Variants in DPYSL2 observed in about 807,000 individuals in gnomAD.
DPYSL2 encodes dihydropyrimidinase-related protein 2.
In DPYSL2, 13 loss-of-function variants were observed where a neutral mutation model predicts 69.9. That is an observed-to-expected ratio of 0.19 (90% CI 0.12 to 0.30). The LOEUF is 0.30. Among genes scored for constraint, DPYSL2 ranks in the 10% least tolerant of loss-of-function variants. DPYSL2 has a pLI of 1.00. For missense variants in DPYSL2, 587 were observed against 918.9 expected (o/e 0.64, Z 4.67); for synonymous variants, 326 against 359.1 (o/e 0.91, Z 1.04).
Position 26,644,075 on chromosome 8 carries a change from T to C in DPYSL2, c.1409T>C (p.Ile470Thr), listed in dbSNP as rs777627888. 5 of 1,614,188 alleles carry C rather than the reference T, an allele frequency of 3.1e-6. No homozygotes were observed. In the Admixed American group the frequency reaches 8.3e-5, roughly 27 times the overall value. The change falls in exon 10 of 14, where the codon ATC (isoleucine) becomes ACC (threonine). Residue 470 changes from isoleucine to threonine, a missense_variant. This residue lies in a region of DPYSL2 where 452 missense variants were observed against 754.3 expected (regional missense o/e 0.60). Transcript: ENST00000521913. The surrounding 1 kb of genome is among the most constrained non-coding windows in gnomAD (Gnocchi z 4.5). ...GGCACTGAGGAGCGGATGTCCGTCA[T>C]CTGGGACAAGGCTGTGGTAAGGAGC... is the stretch of plus-strand genomic sequence containing the variant. ...TNGTEERMSV[I>T]WDKAVVTGKM...
At chr8:26,577,264 C>T (rs773208070) in intron 1 of DPYSL2, 5 of 375,268 alleles carry the variant, frequency 1.3e-5, no homozygotes, top group South Asian at 5.5e-5. Context: ...CGGACGCTCC[C>T]GGGAAGCAGC....
intron 1 of DPYSL2, among the ~76,000 whole-genome samples, chr8:26,544,185 A>T (rs1800728373): frequency 6.6e-6 from 1 of 152,218 alleles, no homozygotes; most frequent in African/African-American, 2.4e-5. Context: ...TTAAATCAGG[A>T]CTTGCTTGTC....
At chr8:26,577,917 A>G in intron 1 of DPYSL2, 1 of 1,157,980 alleles carries the variant, frequency 8.6e-7, no homozygotes, top group Non-Finnish European at 1.1e-6. Flanking sequence ...CGCATGCGCC[A>G]CGGTGGCCGA....
rs385351 is a variant in DPYSL2, at chr8:26,585,567, A to T, written c.628+1584A>T. ...CATTTTCCAGGGATGTCGGGGGGAG[A>T]TTTCATGCACACCTAGGGAGAGCAG... On this transcript the variant is annotated intron_variant, in intron 3 of 13. Transcript: ENST00000521913. The surrounding 1 kb of genome is among the most constrained non-coding windows in gnomAD (Gnocchi z 4.0). 0.51 allele frequency among the ~76,000 whole-genome samples: 77,504 copies of T among 151,492 alleles called. 20,878 individuals are homozygous for T. The highest frequency in any genetic ancestry group is 0.68 in the African/African-American group (28,089 of 41,298).
intron 1 of DPYSL2, among the ~76,000 whole-genome samples, chr8:26,570,999 T>G (rs1801227319): frequency 6.6e-6 from 1 of 152,124 alleles, no homozygotes; most frequent in Non-Finnish European, 1.5e-5. Context: ...CATAACAGTA[T>G]TTTAGAAGAT....
intron 1 of DPYSL2, among the ~76,000 whole-genome samples, chr8:26,537,206 T>G (rs867410916): frequency 9.2e-5 from 14 of 152,278 alleles, no homozygotes; most frequent in Admixed American, 2.0e-4. Flanking sequence ...TATTACTGCC[T>G]AAATATTTGG....
In DPYSL2 at chr8:26,581,975, C is replaced by A. The variant is rs1295902606; in HGVS notation, c.361C>A (p.Arg121Ser). 1 of 1,613,644 alleles carries A rather than the reference C, an allele frequency of 6.2e-7. No individual in the cohort carries two copies. Among genetic ancestry groups the A allele is most frequent in the South Asian group, 1.1e-5 (1 of 91,058 alleles). Residue 121 changes from arginine to serine, a missense_variant, in exon 2 of 14, where the codon CGT (arginine) becomes AGT (serine). Arg to Ser is a moderately radical substitution (Grantham distance 110, BLOSUM62 -1). Around this residue, in one of 3 missense-constraint regions of DPYSL2, gnomAD observed 452 missense variants for 754.3 expected, o/e 0.60. Transcript: ENST00000521913. The stretch of plus-strand genomic sequence containing the variant: ...TACTGCCTCTTTGTTTCAGAGCGAT[C>A]GTCTTCTGATCAAAGGAGGTAAAAT... ...ALQNINDQSD[R>S]LLIKGGKIVN...
intron 1 of DPYSL2, among the ~76,000 whole-genome samples, chr8:26,567,355 C>T (rs1801169125): frequency 1.3e-5 from 2 of 149,844 alleles, no homozygotes; most frequent in African/African-American, 4.9e-5. Flanking sequence ...CATACATCTG[C>T]CCATCCATCC....
chr8:26,529,794 C>G (rs540067464), intron 1 of DPYSL2, among the ~76,000 whole-genome samples: 5 of 143,300 alleles, frequency 3.5e-5, no homozygotes, highest in Middle Eastern at 3.9e-3. Context: ...TGTGCCAAAG[C>G]TGGTGGTGAA....
Position 26,605,746 on chromosome 8 carries a change from A to G in DPYSL2, c.629-18397A>G, listed in dbSNP as rs1802094474. Among the ~76,000 whole-genome samples the G allele has an allele frequency of 6.6e-6, 1 of 152,218 alleles. No individual in the cohort carries two copies. The highest frequency in any genetic ancestry group is 1.5e-5 in the Non-Finnish European group (1 of 68,038). On this transcript the variant is annotated intron_variant, in intron 3 of 13. Coordinates refer to ENST00000521913, the MANE Select transcript of DPYSL2 (RefSeq NM_001197293.3). This position sits in a 1 kb window ranked among gnomAD's most constrained non-coding sequence, Gnocchi z 4.1. Reference sequence around the variant, plus strand: ...AATCCATACACAATAGCAACATAAAATATAAAATTACTAGGAATTATAAGA... The same window carrying G: ...AATCCATACACAATAGCAACATAAAGTATAAAATTACTAGGAATTATAAGA...
intron 3 of DPYSL2, among the ~76,000 whole-genome samples, chr8:26,611,653 C>A (rs1048952746): frequency 2.6e-5 from 4 of 152,208 alleles, no homozygotes; most frequent in Non-Finnish European, 4.4e-5. Flanking sequence ...ATTTCAACAT[C>A]TCTTGGAGAA....
intron 7 of DPYSL2, among the ~76,000 whole-genome samples, chr8:26,634,449 T>TTA (rs1554545916): frequency 6.8e-6 from 1 of 146,096 alleles, no homozygotes. Flanking sequence ...TTTTTTTTTT[T>TTA]AATTGTATTT....
At chr8:26,572,380 T>C (rs1303798932) in intron 1 of DPYSL2, among the ~76,000 whole-genome samples, 2 of 152,318 alleles carry the variant, frequency 1.3e-5, no homozygotes, top group East Asian at 3.9e-4. Context: ...GCAGTTTGGA[T>C]GATGCAAACA....
At chr8:26,631,655 C>G (rs571735809) in intron 7 of DPYSL2, among the ~76,000 whole-genome samples, 24 of 152,160 alleles carry the variant, frequency 1.6e-4, no homozygotes, top group Non-Finnish European at 2.8e-4. Context: ...TGAGGGCTGG[C>G]AGATCCAGGG....
chr8:26,652,982 A>G lies in DPYSL2; in HGVS notation c.1777-250A>G, dbSNP rs1396220130. Reference sequence around the variant, plus strand: ...TGCTTAGGGGATTCTTACAGGGTTTAAAGTTGAAGTGTCTTGGGGGAAAAA... The same window carrying G: ...TGCTTAGGGGATTCTTACAGGGTTTGAAGTTGAAGTGTCTTGGGGGAAAAA... On this transcript the variant is annotated intron_variant, in intron 12 of 13. Transcript: ENST00000521913. The surrounding 1 kb of genome is among the most constrained non-coding windows in gnomAD (Gnocchi z 6.3). Among the ~76,000 whole-genome samples the G allele has an allele frequency of 6.6e-6, 1 of 152,188 alleles. No individual in the cohort carries two copies. Among genetic ancestry groups the G allele is most frequent in the Non-Finnish European group, 1.5e-5 (1 of 68,038 alleles).
intron 1 of DPYSL2, among the ~76,000 whole-genome samples, chr8:26,542,368 A>G (rs1194378841): frequency 1.3e-5 from 2 of 152,116 alleles, no homozygotes; most frequent in Non-Finnish European, 2.9e-5. Flanking sequence ...TATGCTGTCT[A>G]TAATAGATAC....
intron 3 of DPYSL2, among the ~76,000 whole-genome samples, chr8:26,601,430 T>A (rs1481832108): frequency 7.9e-5 from 12 of 150,966 alleles, no homozygotes; most frequent in Non-Finnish European, 1.5e-4. Flanking sequence ...CAGGCTGGAG[T>A]GCGGTGGCGC....
At chr8:26,541,283 C>G (rs181630587) in intron 1 of DPYSL2, among the ~76,000 whole-genome samples, 25 of 152,302 alleles carry the variant, frequency 1.6e-4, no homozygotes, top group African/African-American at 6.0e-4. Flanking sequence ...AACTTTTAAT[C>G]AGGAGTACTA....
intron 1 of DPYSL2, among the ~76,000 whole-genome samples, chr8:26,526,328 C>G (rs1249054667): frequency 6.6e-6 from 1 of 152,084 alleles, no homozygotes; most frequent in Non-Finnish European, 1.5e-5. Flanking sequence ...TTCCTGACCT[C>G]GTTATCCACC....
Sources: gnomAD v4.1 joint callset for allele counts (sites outside exome capture counted in the v4.1 genomes callset) on GRCh38, gnomAD v4.1.1 for gene constraint, gnomAD v4.1.1 regional missense constraint, Gnocchi (gnomAD v3.1) non-coding constraint, MANE v1.5 for transcripts, NCBI Gene and HGNC (gene_info 2026-07-23, HGNC 2026-07-21) for gene names.